Variants in GFPT1 observed in about 807,000 individuals in gnomAD.
The protein encoded by GFPT1 is glutamine--fructose-6-phosphate transaminase 1.
In GFPT1, 40 loss-of-function variants were observed where a neutral mutation model predicts 92.0. The ratio of observed to expected loss-of-function variants is 0.43; its 90% CI spans 0.34 to 0.57. The LOEUF (loss-of-function observed/expected upper bound fraction) is 0.57, where lower values mean the gene tolerates loss of function less well. Among genes scored for constraint, GFPT1 ranks in the 20% least tolerant of loss-of-function variants. The pLI, the probability that GFPT1 is intolerant of heterozygous loss-of-function variation, is 0.02. For synonymous variants in GFPT1, 269 were observed against 280.6 expected, an observed-to-expected ratio of 0.96 and a Z score of 0.41; for missense variants, 448 against 869.1, an observed-to-expected ratio of 0.52 and a Z score of 6.09.
intron 11 of GFPT1, 35 bp from the exon 12 acceptor site, chr2:69,346,034 ACAAAT>A (rs1348285992): frequency 8.8e-7 from 1 of 1,133,104 alleles, no homozygotes; most frequent in African/African-American, 1.5e-5. Context: ...TAAAACAAAA[ACAAAT>A]CAAATAAAAG....
At chr2:69,345,830 G>C in intron 12 of GFPT1, 74 bp downstream of exon 12, 1 of 854,660 alleles carries the variant, frequency 1.2e-6, no homozygotes, top group Non-Finnish European at 2.0e-6. Context: ...TAAGGGCAAT[G>C]AACTTTCAGG....
chr2:69,356,099 T>C (rs1671331166), intron 7 of GFPT1, among the ~76,000 whole-genome samples: 1 of 150,656 alleles, frequency 6.6e-6, no homozygotes, highest in South Asian at 2.1e-4. Flanking sequence ...TTCAAGCGGT[T>C]CTCCTTGCCT....
At chr2:69,330,866 C>T (rs1161858637) in intron 15 of GFPT1, among the ~76,000 whole-genome samples, 3 of 152,080 alleles carry the variant, frequency 2.0e-5, no homozygotes, top group Non-Finnish European at 4.4e-5. Flanking sequence ...CTCTTTAGGC[C>T]TCAGATACCC....
intron 2 of GFPT1, 102 bp downstream of exon 2, chr2:69,373,902 TAC>T: frequency 1.5e-6 from 1 of 645,764 alleles, no homozygotes; most frequent in South Asian, 1.6e-5. Flanking sequence ...AATTTACACT[TAC>T]TCAAAACAAA....
Position 69,356,273 on chromosome 2 carries a change from T to C in GFPT1, c.605+223A>G, listed in dbSNP as rs184237957. 2.3e-3 allele frequency among the ~76,000 whole-genome samples: 352 copies of C among 152,218 alleles called. 1 individual carries two copies. The highest frequency in any genetic ancestry group is 3.8e-3 in the Non-Finnish European group (257 of 68,018). On this transcript the variant is annotated intron_variant, in intron 7 of 19. Transcript: ENST00000357308. The stretch of plus-strand genomic sequence containing the variant: ...CCTCCCAAAATGCTAGGATTACAGG[T>C]GTGAGCCACAGCGCCCGGCCTGTAT...
chr2:69,354,202 AAAG>A, intron 9 of GFPT1, 54 bp downstream of exon 9: 3 of 1,201,390 alleles, frequency 2.5e-6, no homozygotes, highest in Non-Finnish European at 3.5e-6. Flanking sequence ...AAGAATTAGT[AAAG>A]AATAAACAAA....
Position 69,348,165 on chromosome 2 carries a change from T to C in GFPT1, c.1009+6A>G. On this transcript the variant is annotated splice_donor_region_variant and intron_variant, in intron 11 of 19. Coordinates refer to ENST00000357308, the MANE Select transcript of GFPT1 (RefSeq NM_001244710.2). ...CAGCAAGCTATAACATGACAAAAAC[T>C]TTCACCCTTCATGATCTGCTGGAGT... is the stretch of plus-strand genomic sequence containing the variant. 1 of 1,610,732 alleles carries C rather than the reference T, an allele frequency of 6.2e-7. No individual in the cohort carries two copies. Among genetic ancestry groups the C allele is most frequent in the Non-Finnish European group, 8.5e-7 (1 of 1,177,018 alleles).
At position 69,324,468 on chromosome 2, in the gene GFPT1, T is replaced by C. The variant is rs1309709198; in HGVS notation, c.*1721A>G. 6.6e-6 allele frequency: 1 copy of C among 152,160 alleles called. No individual in the cohort carries two copies. The highest frequency in any genetic ancestry group is 1.5e-5 in the Non-Finnish European group (1 of 68,030). 9.4% of individuals were successfully genotyped at this position (152,160 alleles called of 1,614,324 possible). On this transcript the variant is annotated 3_prime_UTR_variant, in exon 20 of 20. Transcript: ENST00000357308. ...TTAAAGTAGATTAATATAGCTATAATAGCCATATATTATATATAATGTAAA... is the reference window on the plus strand; with the variant it reads ...TTAAAGTAGATTAATATAGCTATAACAGCCATATATTATATATAATGTAAA...
At chr2:69,329,171 A>C (rs1670600833) in intron 17 of GFPT1, 126 bp downstream of exon 17, 1 of 926,998 alleles carries the variant, frequency 1.1e-6, no homozygotes, top group East Asian at 2.4e-5. Flanking sequence ...TAAACAAACC[A>C]CAATGCATAA....
At chr2:69,355,545 G>C (rs1671316686) in intron 7 of GFPT1, among the ~76,000 whole-genome samples, 1 of 152,110 alleles carries the variant, frequency 6.6e-6, no homozygotes, top group African/African-American at 2.4e-5. Flanking sequence ...GAGGCTACAT[G>C]GTCCAGAAAG....
intron 1 of GFPT1, among the ~76,000 whole-genome samples, chr2:69,380,938 C>T (rs1671993953): frequency 6.6e-6 from 1 of 152,146 alleles, no homozygotes; most frequent in Non-Finnish European, 1.5e-5. Context: ...TTTCTCTTCC[C>T]AGCTTCTTTT....
chr2:69,386,007 C>G (rs984929422), intron 1 of GFPT1, among the ~76,000 whole-genome samples: 4 of 145,074 alleles, frequency 2.8e-5, no homozygotes, highest in Non-Finnish European at 6.0e-5. Context: ...TTTCAATTCT[C>G]TTACAATGGT....
At chr2:69,329,108 ACT>A (rs1670599024) in intron 17 of GFPT1, among the ~76,000 whole-genome samples, 187 bp downstream of exon 17, 1 of 152,174 alleles carries the variant, frequency 6.6e-6, no homozygotes, top group African/African-American at 2.4e-5. Context: ...GTTAAAATGT[ACT>A]CTTTTTGATT....
At chr2:69,371,972 C>T (rs1486801483) in intron 2 of GFPT1, among the ~76,000 whole-genome samples, 3 of 151,232 alleles carry the variant, frequency 2.0e-5, no homozygotes, top group Non-Finnish European at 2.9e-5. Flanking sequence ...GAGGCCGAGG[C>T]GGGCAGATCA....
At position 69,355,983 on chromosome 2, in the gene GFPT1, CTTTTTTTT is replaced by C. The variant is rs1157501841; in HGVS notation, c.605+505_605+512del. Among the ~76,000 whole-genome samples, 283 of 75,614 alleles carry C rather than the reference CTTTTTTTT, an allele frequency of 3.7e-3. 2 individuals carry two copies. Among genetic ancestry groups the C allele is most frequent in the African/African-American group, 0.013 (212 of 16,362 alleles). The allele number at this position is 75,614 out of a possible 152,430, so 49.6% of individuals were successfully genotyped here. A position where few individuals can be genotyped will look rare whatever the true frequency, so the allele number is the denominator to read the frequency against. Reference sequence around the variant, plus strand: ...TTAAATGCCAAAATATATTTGCTTTCTTTTTTTTTTTTTTTTTTTTTTTTTTCAGACAG... The same window carrying C: ...TTAAATGCCAAAATATATTTGCTTTCTTTTTTTTTTTTTTTTTTCAGACAG... On this transcript the variant is annotated intron_variant, in intron 7 of 19. Transcript: ENST00000357308.
intron 13 of GFPT1, among the ~76,000 whole-genome samples, chr2:69,341,720 A>G (rs78194733): frequency 6.6e-6 from 1 of 152,162 alleles, no homozygotes; most frequent in Non-Finnish European, 1.5e-5. Context: ...TAAAAAAAAA[A>G]GCAGACTACC....
At position 69,325,877 on chromosome 2, in the gene GFPT1, CT is replaced by C. The variant is rs2104593511; in HGVS notation, c.*311del. 1 of 275,908 alleles carries C rather than the reference CT, an allele frequency of 3.6e-6. No individual in the cohort carries two copies. Among genetic ancestry groups the C allele is most frequent in the South Asian group, 6.0e-5 (1 of 16,594 alleles). The allele number at this position is 275,908 out of a possible 1,614,324, so 17.1% of individuals were successfully genotyped here. A position where few individuals can be genotyped will look rare whatever the true frequency, so the allele number is the denominator to read the frequency against. On this transcript the variant is annotated 3_prime_UTR_variant, in exon 20 of 20. Coordinates refer to ENST00000357308, the MANE Select transcript of GFPT1 (RefSeq NM_001244710.2). ...GTACCAATTTTTAGAAACATATTGT[CT>C]TCTCAGATTGAAGTGGAGGGTCCAG...
intron 13 of GFPT1, 39 bp downstream of exon 13, chr2:69,342,113 C>CT (rs1670967439): frequency 9.3e-7 from 1 of 1,079,756 alleles, no homozygotes; most frequent in Admixed American, 1.8e-5. Context: ...CAGATATTCT[C>CT]TAATATTCAA....
chr2:69,337,860 G>C, intron 15 of GFPT1, 38 bp downstream of exon 15: 1 of 1,557,488 alleles, frequency 6.4e-7, no homozygotes, highest in Non-Finnish European at 8.9e-7. Context: ...CTGACACTAT[G>C]ATTAAATAAT....
Sources: gnomAD v4.1 joint callset for allele counts (sites outside exome capture counted in the v4.1 genomes callset) on GRCh38, gnomAD v4.1.1 for gene constraint, MANE v1.5 for transcripts, NCBI Gene and HGNC (gene_info 2026-07-23, HGNC 2026-07-21) for gene names.